PDE5A: variants seen among roughly 807,000 people sequenced by gnomAD.
The protein encoded by PDE5A is cGMP-specific 3',5'-cyclic phosphodiesterase.
A neutral mutation model predicts 110.2 loss-of-function variants in PDE5A; 67 were observed. The ratio of observed to expected loss-of-function variants is 0.61; its 90% CI spans 0.50 to 0.75. PDE5A has a LOEUF of 0.75. Among genes scored for constraint, PDE5A ranks in the 30% least tolerant of loss-of-function variants. The pLI, the probability that PDE5A is intolerant of heterozygous loss-of-function variation, is 0.00. For synonymous variants in PDE5A, 328 were observed against 351.2 expected (o/e 0.93, Z 0.74); for missense variants, 862 against 1,045.1 (o/e 0.82, Z 2.42).
At chr4:119,607,731 T>C (rs1334251928) in intron 1 of PDE5A, among the ~76,000 whole-genome samples, 1 of 151,786 alleles carries the variant, frequency 6.6e-6, no homozygotes, top group African/African-American at 2.4e-5. Flanking sequence ...GGTGACAAAG[T>C]GAGACTCTCT....
Position 119,607,136 on chromosome 4 carries a change from T to C in PDE5A, c.314A>G (p.Glu105Gly). The C allele has an allele frequency of 6.2e-7, 1 of 1,614,160 alleles. No individual in the cohort carries two copies. Among genetic ancestry groups the C allele is most frequent in the Non-Finnish European group, 8.5e-7 (1 of 1,180,032 alleles). ...GTPTRKISASEFDRPLRPIVV... is the reference protein window; with the variant it reads ...GTPTRKISASGFDRPLRPIVV... ...AATGGGTCTAAGAGGCCGGTCAAAT[T>C]CAGAGGCAGAGATTTTCCTGGTTGG... is the stretch of plus-strand genomic sequence containing the variant. Residue 105 changes from glutamate to glycine, a missense_variant, in exon 2 of 21, where the codon GAA (glutamate) becomes GGA (glycine). Coordinates refer to ENST00000354960, the MANE Select transcript of PDE5A (RefSeq NM_001083.4).
chr4:119,626,771 T>C (rs1027262441), intron 1 of PDE5A, among the ~76,000 whole-genome samples: 2 of 152,152 alleles, frequency 1.3e-5, no homozygotes, highest in African/African-American at 4.8e-5. Context: ...ATTTAGGATT[T>C]TGAAGGAAGA....
intron 1 of PDE5A, among the ~76,000 whole-genome samples, chr4:119,608,356 C>T (rs188961138): frequency 3.3e-5 from 5 of 152,242 alleles, no homozygotes; most frequent in Admixed American, 6.5e-5. Flanking sequence ...AACAAACATA[C>T]CAGATCATAC....
At chr4:119,573,426 T>A (rs1387303080) in intron 3 of PDE5A, among the ~76,000 whole-genome samples, 1 of 152,236 alleles carries the variant, frequency 6.6e-6, no homozygotes, top group Non-Finnish European at 1.5e-5. Flanking sequence ...ATTTTCCTGA[T>A]TACTGGAGAG....
chr4:119,526,639 G>A (rs976516429), intron 11 of PDE5A, among the ~76,000 whole-genome samples: 1 of 152,142 alleles, frequency 6.6e-6, no homozygotes, highest in Non-Finnish European at 1.5e-5. Context: ...TTTCCTATGA[G>A]TATCTGAGAT....
intron 3 of PDE5A, among the ~76,000 whole-genome samples, chr4:119,573,242 G>T (rs1728203084): frequency 1.3e-5 from 2 of 152,132 alleles, no homozygotes; most frequent in Admixed American, 1.3e-4. Flanking sequence ...CACATGTGCA[G>T]CAACTTCTCT....
At chr4:119,562,788 A>T in intron 6 of PDE5A, 45 bp downstream of exon 6, 1 of 1,443,810 alleles carries the variant, frequency 6.9e-7, no homozygotes, top group Non-Finnish European at 9.2e-7. Context: ...TAGAAATATA[A>T]GTTTCTGTCT....
In PDE5A at chr4:119,607,094, T is replaced by A. The variant is rs76373430; in HGVS notation, c.356A>T (p.Glu119Val). Reference sequence around the variant, plus strand: ...GTCAGAGAGGAAGCTCACAGTTCCCTCAGAATCCTTGACAACAATGGGTCT... The same window carrying A: ...GTCAGAGAGGAAGCTCACAGTTCCCACAGAATCCTTGACAACAATGGGTCT... ...PLRPIVVKDS[E>V]GTVSFLSDSE... is the part of the protein sequence containing the mutation. The change falls in exon 2 of 21, where the codon GAG becomes GTG. Residue 119 changes from glutamate (E) to valine (V), a missense_variant. Glu to Val is a moderately radical substitution (Grantham distance 121). Coordinates refer to ENST00000354960, the MANE Select transcript of PDE5A (RefSeq NM_001083.4). The A allele has an allele frequency of 1.2e-3, 1,912 of 1,614,170 alleles. 25 individuals are homozygous for A. In the African/African-American group the frequency reaches 0.021, roughly 17 times the overall value.
At chr4:119,501,780 T>G (rs1193707233) in intron 19 of PDE5A, among the ~76,000 whole-genome samples, 1 of 152,180 alleles carries the variant, frequency 6.6e-6, no homozygotes, top group Non-Finnish European at 1.5e-5. Context: ...AGATCCATAC[T>G]CTATGTAAAA....
At chr4:119,621,225 G>A (rs192209713) in intron 1 of PDE5A, among the ~76,000 whole-genome samples, 1 of 152,274 alleles carries the variant, frequency 6.6e-6, no homozygotes, top group Non-Finnish European at 1.5e-5. Context: ...TAGAACTTCT[G>A]GGTCTGCCCA....
chr4:119,502,048 T>TG (rs1491488195), intron 19 of PDE5A, among the ~76,000 whole-genome samples: 1 of 152,108 alleles, frequency 6.6e-6, no homozygotes, highest in Non-Finnish European at 1.5e-5. Context: ...CTGGGGAGAC[T>TG]GTGGTGGTGG....
Position 119,553,678 on chromosome 4 carries a change from T to C in PDE5A, c.1268A>G (p.Asn423Ser), listed in dbSNP as rs201079123. 5 of 1,596,022 alleles carry C rather than the reference T, an allele frequency of 3.1e-6. No homozygotes were observed. In the South Asian group the frequency reaches 3.3e-5, roughly 11 times the overall value. ...QYVKNTMEPL[N>S]IPDVSKDKRF... ...TTTATCCTTACTGACATCTGGGATATTAAGTGGTTCCATAGTATTTTTGAC... is the reference window on the plus strand; with the variant it reads ...TTTATCCTTACTGACATCTGGGATACTAAGTGGTTCCATAGTATTTTTGAC... The change falls in exon 8 of 21, where the codon AAT (asparagine) becomes AGT (serine). Residue 423 changes from asparagine to serine, a missense_variant. Physicochemically the swap from Asn to Ser is conservative, Grantham distance 46. Coordinates refer to ENST00000354960, the MANE Select transcript of PDE5A (RefSeq NM_001083.4).
chr4:119,549,566 T>G (rs894997496), intron 9 of PDE5A: 1 of 152,180 alleles, frequency 6.6e-6, no homozygotes, highest in Non-Finnish European at 1.5e-5. Context: ...GTTCTAAGTA[T>G]CTTTTTTTAA....
chr4:119,533,966 T>C (rs1298863495), intron 11 of PDE5A, among the ~76,000 whole-genome samples: 1 of 152,150 alleles, frequency 6.6e-6, no homozygotes, highest in East Asian at 1.9e-4. Context: ...TCAAGAACAG[T>C]GCCCTCATAT....
intron 10 of PDE5A, among the ~76,000 whole-genome samples, chr4:119,540,848 C>T (rs765073430): frequency 2.0e-5 from 3 of 152,006 alleles, no homozygotes; most frequent in African/African-American, 4.8e-5. Flanking sequence ...AAAGAAAGGA[C>T]CATTTTTTTC....
chr4:119,542,888 G>A (rs1185212382), intron 9 of PDE5A, among the ~76,000 whole-genome samples: 3 of 151,902 alleles, frequency 2.0e-5, no homozygotes, highest in Non-Finnish European at 4.4e-5. Context: ...TTCCAGACTC[G>A]GTCACGAATT....
chr4:119,503,699 T>C (rs1725453618), intron 18 of PDE5A, among the ~76,000 whole-genome samples: 1 of 152,156 alleles, frequency 6.6e-6, no homozygotes, highest in Non-Finnish European at 1.5e-5. Flanking sequence ...GTACTCAAAA[T>C]GCTTTGAATT....
intron 2 of PDE5A, among the ~76,000 whole-genome samples, chr4:119,598,575 A>G (rs1018717679): frequency 6.6e-6 from 1 of 152,226 alleles, no homozygotes; most frequent in African/African-American, 2.4e-5. Context: ...ACTTGCCATA[A>G]CAAAGTATCA....
intron 3 of PDE5A, among the ~76,000 whole-genome samples, chr4:119,580,253 A>G (rs1483369902): frequency 6.6e-6 from 1 of 152,212 alleles, no homozygotes. Flanking sequence ...GCTTTTAAGT[A>G]ATGAGGTAAA....
Sources: gnomAD v4.1 joint callset for allele counts (sites outside exome capture counted in the v4.1 genomes callset) on GRCh38, gnomAD v4.1.1 for gene constraint, MANE v1.5 for transcripts, NCBI Gene and HGNC (gene_info 2026-07-23, HGNC 2026-07-21) for gene names.